The following SAMD5 variants were observed in gnomAD, a reference collection of about 807,000 sequenced individuals.
SAMD5 encodes sterile alpha motif domain containing 5, also known as sterile alpha motif domain-containing protein 5.
Under a neutral mutation model 11.3 loss-of-function variants are expected in SAMD5, and 13 were observed. That is an observed-to-expected ratio of 1.15 (90% CI 0.75 to 1.83). The LOEUF is 1.83. Ranked by LOEUF, SAMD5 falls within the 40% of genes most tolerant of loss-of-function variation. The pLI, the probability that SAMD5 is intolerant of heterozygous loss-of-function variation, is 0.00. For synonymous variants in SAMD5, 129 were observed against 111.3 expected (o/e 1.16, Z -1.00); for missense variants, 255 against 239.1 (o/e 1.07, Z -0.44).
the SAMD5 span, among the ~76,000 whole-genome samples, chr6:147,863,071 C>T: frequency 6.6e-6 from 1 of 152,110 alleles, no homozygotes; most frequent in South Asian, 2.1e-4. Context: ...AAATGATTTC[C>T]CCTTACAAAT....
At chr6:147,889,566 A>G in the SAMD5 span, among the ~76,000 whole-genome samples, 1 of 152,144 alleles carries the variant, frequency 6.6e-6, no homozygotes. Context: ...TGGTTGCTGG[A>G]TATTTTTTAT....
chr6:147,616,113 G>A (rs1391113088), intron 1 of SAMD5, among the ~76,000 whole-genome samples: 1 of 120,978 alleles, frequency 8.3e-6, no homozygotes, highest in African/African-American at 2.6e-5. Context: ...GATAGGACAA[G>A]CTGAAATGAT....
At position 147,509,099 on chromosome 6, in the gene SAMD5, GGCCGTGC is replaced by G; in HGVS notation, c.176_182del (p.Val59GlyfsTer63). The G allele has an allele frequency of 6.3e-7, 1 of 1,590,460 alleles. No homozygotes were observed. Among genetic ancestry groups the G allele is most frequent in the Non-Finnish European group, 8.5e-7 (1 of 1,170,040 alleles). On this transcript the variant is annotated frameshift_variant, in exon 1 of 2. Transcript: ENST00000367474. LOFTEE classifies it high-confidence loss of function. ...CCGCGCACCGCCGCCGTATCCTGGA[GGCCGTGC>G]GCCGGCTGCGGGAGCAGGACGCCAA... is the stretch of plus-strand genomic sequence containing the variant.
At chr6:147,943,555 C>A in the SAMD5 span, among the ~76,000 whole-genome samples, 2 of 152,048 alleles carry the variant, frequency 1.3e-5, no homozygotes, top group African/African-American at 2.4e-5. Context: ...CCTCCCTAGG[C>A]TCCCAGAAAG....
At chr6:147,713,245 A>C (rs1056760427) in intron 1 of SAMD5, among the ~76,000 whole-genome samples, 9 of 152,240 alleles carry the variant, frequency 5.9e-5, no homozygotes, top group Non-Finnish European at 1.3e-4. Context: ...CTATGTTTGA[A>C]GAAAACAAAG....
chr6:147,894,181 T>C, the SAMD5 span, among the ~76,000 whole-genome samples: 31 of 151,060 alleles, frequency 2.1e-4, 2 homozygotes, highest in Admixed American at 1.5e-3. Flanking sequence ...TGGAGTGCAG[T>C]GGCACAATCT....
the SAMD5 span, among the ~76,000 whole-genome samples, chr6:147,819,854 G>T: frequency 6.6e-6 from 1 of 152,214 alleles, no homozygotes; most frequent in Non-Finnish European, 1.5e-5. Context: ...AGAAACAGAG[G>T]CAGCTAAGGA....
At chr6:147,763,770 G>T in the SAMD5 span, among the ~76,000 whole-genome samples, 1 of 151,866 alleles carries the variant, frequency 6.6e-6, no homozygotes, top group East Asian at 2.0e-4. Context: ...TTTTAGTAGA[G>T]ACGGGGTTTC....
At chr6:147,879,953 C>T in the SAMD5 span, among the ~76,000 whole-genome samples, 3 of 152,278 alleles carry the variant, frequency 2.0e-5, no homozygotes, top group Admixed American at 6.5e-5. Flanking sequence ...CAAGACAACC[C>T]TTACCCCTTT....
At chr6:147,618,940 T>C (rs149031755) in intron 1 of SAMD5, among the ~76,000 whole-genome samples, 2 of 152,364 alleles carry the variant, frequency 1.3e-5, no homozygotes, top group East Asian at 3.9e-4. Flanking sequence ...GAAGTTGGAA[T>C]TCTTTGCAAA....
chr6:147,737,556 A>C (rs1257473178), downstream of SAMD5: 2 of 241,374 alleles, frequency 8.3e-6, no homozygotes, highest in Non-Finnish European at 1.7e-5. Context: ...GATCCATTTA[A>C]GTTATTTGTT....
Position 147,647,635 on chromosome 6 carries a change from T to C in SAMD5, c.163-89682T>C, listed in dbSNP as rs553629266. On this transcript the variant is annotated intron_variant, in intron 1 of 1. Transcript: ENST00000566741. The stretch of plus-strand genomic sequence containing the variant: ...GAGTTGGCCACAGTAGGGTGTGTAT[T>C]AAGAAGCAGCACAAACACTTTGAGA... 2.6e-5 allele frequency among the ~76,000 whole-genome samples: 4 copies of C among 152,288 alleles called. No homozygotes were observed. The South Asian group carries it at 8.3e-4, about 32-fold the overall frequency.
At chr6:147,852,153 T>C in the SAMD5 span, among the ~76,000 whole-genome samples, 2 of 152,194 alleles carry the variant, frequency 1.3e-5, no homozygotes, top group Non-Finnish European at 2.9e-5. Flanking sequence ...AAATCACTTT[T>C]ATAGTTCATA....
chr6:147,702,246 T>G (rs1399039256), intron 1 of SAMD5, among the ~76,000 whole-genome samples: 2 of 152,178 alleles, frequency 1.3e-5, no homozygotes, highest in Non-Finnish European at 2.9e-5. Flanking sequence ...ATGATTCAGT[T>G]ACCTCCCACA....
chr6:147,765,209 C>CT, the SAMD5 span, among the ~76,000 whole-genome samples: 4,526 of 151,874 alleles, frequency 0.03, 184 homozygotes, highest in African/African-American at 0.091. Flanking sequence ...ATTTTCTTGT[C>CT]TTTTTTTTGT....
chr6:147,755,401 C>A, the SAMD5 span, among the ~76,000 whole-genome samples: 1 of 152,018 alleles, frequency 6.6e-6, no homozygotes, highest in Admixed American at 6.6e-5. Flanking sequence ...AGTACAAAAG[C>A]AATCTTCAGC....
intron 1 of SAMD5, among the ~76,000 whole-genome samples, chr6:147,545,543 A>G (rs1788671657): frequency 1.3e-5 from 2 of 151,966 alleles, no homozygotes; most frequent in African/African-American, 2.4e-5. Context: ...TCTGAGAGGG[A>G]GGCTTTTTGC....
chr6:147,802,233 T>C, the SAMD5 span, among the ~76,000 whole-genome samples: 1 of 152,160 alleles, frequency 6.6e-6, no homozygotes, highest in Non-Finnish European at 1.5e-5. Flanking sequence ...CCTGATTTTT[T>C]TCAAAAATAG....
In SAMD5 at chr6:147,530,399, G is replaced by A. The variant is rs150798587; in HGVS notation, c.459+21012G>A. Among the ~76,000 whole-genome samples the A allele has an allele frequency of 1.7e-4, 26 of 152,320 alleles. No homozygotes were observed. The East Asian group carries it at 4.2e-3, about 25-fold the overall frequency. On this transcript the variant is annotated intron_variant, in intron 1 of 1. Transcript: ENST00000367474. The stretch of plus-strand genomic sequence containing the variant: ...ATGGTGTGTGCGCAGCACAAAGGCG[G>A]CAGGTGCGGATGGCTTTTTTCTCAG...
Sources: gnomAD v4.1 joint callset for allele counts (sites outside exome capture counted in the v4.1 genomes callset) on GRCh38, gnomAD v4.1.1 for gene constraint, MANE v1.5 for transcripts, NCBI Gene and HGNC (gene_info 2026-07-23, HGNC 2026-07-21) for gene names.